The following RPTOR variants were observed in gnomAD, a reference collection of about 807,000 sequenced individuals.
RPTOR encodes regulatory associated protein of MTOR complex 1, also known as regulatory-associated protein of mTOR.
RPTOR carries 21 observed loss-of-function variants against 169.9 expected under a neutral mutation model. The ratio of observed to expected loss-of-function variants is 0.12; its 90% CI spans 0.09 to 0.18. RPTOR has a LOEUF of 0.18. Among genes scored for constraint, RPTOR ranks in the 10% least tolerant of loss-of-function variants. The pLI is 1.00. For missense variants in RPTOR, 1,133 were observed against 1,855.9 expected (o/e 0.61, Z 7.16); for synonymous variants, 732 against 753.2 (o/e 0.97, Z 0.46).
intron 21 of RPTOR, among the ~76,000 whole-genome samples, chr17:80,913,027 C>T (rs190417035): frequency 2.1e-4 from 32 of 151,900 alleles, no homozygotes; most frequent in Admixed American, 1.0e-3. Flanking sequence ...TGTGTGCACG[C>T]GTGTGTGTGT....
intron 7 of RPTOR, among the ~76,000 whole-genome samples, chr17:80,817,370 A>G (rs534176523): frequency 6.6e-6 from 1 of 152,028 alleles, no homozygotes; most frequent in South Asian, 2.1e-4. Context: ...CTCTGCATGG[A>G]TGGGGCCAGG....
At chr17:80,653,374 C>T (rs1199728975) in intron 3 of RPTOR, among the ~76,000 whole-genome samples, 1 of 152,110 alleles carries the variant, frequency 6.6e-6, no homozygotes, top group African/African-American at 2.4e-5. Context: ...GAGACCTTGT[C>T]TCTAATTAAA....
chr17:80,833,366 C>T (rs1335525190), intron 9 of RPTOR, among the ~76,000 whole-genome samples: 1 of 152,194 alleles, frequency 6.6e-6, no homozygotes, highest in Admixed American at 6.5e-5. Flanking sequence ...TCACAGCCTC[C>T]TCCCCTCAGA....
At chr17:80,762,422 G>C (rs1236488280) in intron 6 of RPTOR, among the ~76,000 whole-genome samples, 1 of 152,196 alleles carries the variant, frequency 6.6e-6, no homozygotes, top group Non-Finnish European at 1.5e-5. Flanking sequence ...AGGGCCCCAG[G>C]GTGCAGGCAA....
At chr17:80,590,050 G>A (rs1288945119) in intron 1 of RPTOR, among the ~76,000 whole-genome samples, 4 of 152,220 alleles carry the variant, frequency 2.6e-5, no homozygotes, top group Admixed American at 1.3e-4. Context: ...GATTAAGGAA[G>A]GTTTCTTTCT....
chr17:80,597,976 CAA>C (rs2065156399), intron 1 of RPTOR, among the ~76,000 whole-genome samples: 3 of 152,094 alleles, frequency 2.0e-5, no homozygotes, highest in African/African-American at 7.2e-5. Flanking sequence ...GCCATCTCTA[CAA>C]AAAAATTAAA....
intron 24 of RPTOR, among the ~76,000 whole-genome samples, chr17:80,932,693 G>A (rs922500276): frequency 2.2e-4 from 34 of 152,108 alleles, no homozygotes; most frequent in Admixed American, 2.2e-3. Context: ...TACAAAGAGT[G>A]GGAAAAAAAC....
rs1239574251 is a variant in RPTOR, at chr17:80,861,607, T to C, written c.1509+3707T>C. Among the ~76,000 whole-genome samples the C allele has an allele frequency of 6.6e-6, 1 of 152,134 alleles. No homozygotes were observed. The highest frequency in any genetic ancestry group is 1.5e-5 in the Non-Finnish European group (1 of 68,024). On this transcript the variant is annotated intron_variant, in intron 13 of 33. Coordinates refer to ENST00000306801, the MANE Select transcript of RPTOR (RefSeq NM_020761.3). The surrounding 1 kb of genome is among the most constrained non-coding windows in gnomAD (Gnocchi z 4.5). ...GCACCTGGCCACGGATGAAGGACCA[T>C]GTGTAGGGGCTCTGGGATGCACAAA...
At chr17:80,956,651 G>A (rs1267696281) in intron 28 of RPTOR, among the ~76,000 whole-genome samples, 1 of 152,254 alleles carries the variant, frequency 6.6e-6, no homozygotes, top group Non-Finnish European at 1.5e-5. Context: ...GCGTCCAGAC[G>A]GCAGGCATCT....
At chr17:80,779,900 C>T (rs1281968406) in intron 6 of RPTOR, among the ~76,000 whole-genome samples, 14 of 152,122 alleles carry the variant, frequency 9.2e-5, no homozygotes, top group Non-Finnish European at 1.9e-4. Context: ...GCTCCGTTCT[C>T]GGGGTGCTCT....
At chr17:80,602,425 ACCCCCCCACCTCCCTCGCGGACG>A (rs2065196209) in intron 1 of RPTOR, 1 of 211,658 alleles carries the variant, frequency 4.7e-6, no homozygotes, top group African/African-American at 3.8e-5. Context: ...CGGGGGGCTG[ACCCCCCCACCTCCCTCGCGGACG>A]GGGCGGCTGG....
At chr17:80,757,523 CT>C (rs1169023970) in intron 6 of RPTOR, among the ~76,000 whole-genome samples, 1 of 152,088 alleles carries the variant, frequency 6.6e-6, no homozygotes, top group Non-Finnish European at 1.5e-5. Context: ...TCTTGTTTGT[CT>C]TAATCTGTTT....
chr17:80,675,687 G>A (rs528843383), intron 3 of RPTOR, among the ~76,000 whole-genome samples: 7 of 152,050 alleles, frequency 4.6e-5, no homozygotes, highest in East Asian at 3.9e-4. Context: ...CACCGGGCTC[G>A]GGCCCGCAGA....
rs552048762 is a variant in RPTOR, at chr17:80,730,168, G to A, written c.508-392G>A. Among the ~76,000 whole-genome samples, 9 of 152,284 alleles carry A rather than the reference G, an allele frequency of 5.9e-5. No individual in the cohort carries two copies. The highest frequency in any genetic ancestry group is 5.8e-4 in the East Asian group (3 of 5,174). Reference sequence around the variant, plus strand: ...GTTGCCCAGGCTGGAGTGCAGTGGCGCAATCTTGGCTCACTGTAACCTTCG... The same window carrying A: ...GTTGCCCAGGCTGGAGTGCAGTGGCACAATCTTGGCTCACTGTAACCTTCG... On this transcript the variant is annotated intron_variant, in intron 4 of 33. Transcript: ENST00000306801. This position sits in a 1 kb window ranked among gnomAD's most constrained non-coding sequence, Gnocchi z 4.2.
intron 2 of RPTOR, among the ~76,000 whole-genome samples, chr17:80,637,664 G>A (rs797002272): frequency 5.3e-5 from 8 of 152,370 alleles, no homozygotes; most frequent in African/African-American, 1.9e-4. Flanking sequence ...ATGCTGAGCA[G>A]GGAGTGTCAT....
intron 3 of RPTOR, among the ~76,000 whole-genome samples, chr17:80,647,656 T>C (rs189968889): frequency 6.6e-6 from 1 of 152,320 alleles, no homozygotes; most frequent in East Asian, 1.9e-4. Flanking sequence ...CTAAGGAAGA[T>C]GAAACAGCAT....
chr17:80,922,954 C>T (rs1021785033), intron 22 of RPTOR, 127 bp downstream of exon 22: 85 of 762,282 alleles, frequency 1.1e-4, no homozygotes, highest in Non-Finnish European at 1.4e-4. Flanking sequence ...CTCCTCCCCC[C>T]TCTCCAGCGG....
intron 3 of RPTOR, among the ~76,000 whole-genome samples, chr17:80,681,948 G>A (rs2065902185): frequency 6.6e-6 from 1 of 151,824 alleles, no homozygotes; most frequent in East Asian, 1.9e-4. Context: ...TTAGAATATT[G>A]GTAAATGATG....
chr17:80,950,736 C>A (rs2069165525), intron 28 of RPTOR, among the ~76,000 whole-genome samples: 1 of 152,146 alleles, frequency 6.6e-6, no homozygotes, highest in Non-Finnish European at 1.5e-5. Context: ...AGCTGGATGG[C>A]CAGCCTGGGG....
Sources: gnomAD v4.1 joint callset for allele counts (sites outside exome capture counted in the v4.1 genomes callset) on GRCh38, gnomAD v4.1.1 for gene constraint, Gnocchi (gnomAD v3.1) non-coding constraint, MANE v1.5 for transcripts, NCBI Gene and HGNC (gene_info 2026-07-23, HGNC 2026-07-21) for gene names.